The following TAS1R3 variants were observed in gnomAD, a reference collection of about 807,000 sequenced individuals.
TAS1R3 encodes the protein taste receptor type 1 member 3.
In TAS1R3, 58 loss-of-function variants were observed where a neutral mutation model predicts 46.1. The ratio of observed to expected loss-of-function variants is 1.26; its 90% CI spans 1.02 to 1.57. The LOEUF (loss-of-function observed/expected upper bound fraction) is 1.57, where lower values mean the gene tolerates loss of function less well. Among genes scored for constraint, TAS1R3 ranks in the 40% most tolerant of loss-of-function variants. The probability of loss-of-function intolerance (pLI) is 0.00; values close to 1 mark genes in which losing one functional copy is unlikely to be tolerated. For missense variants in TAS1R3, 1,422 were observed against 1,185.8 expected (o/e 1.20, Z -2.93); for synonymous variants, 724 against 544.7 (o/e 1.33, Z -4.58).
At chr1:1,331,962 AC>A in intron 2 of TAS1R3, 24 bp downstream of exon 2, 3 of 631,156 alleles carry the variant, frequency 4.8e-6, no homozygotes, top group Non-Finnish European at 7.7e-6. Flanking sequence ...ACCATCACCC[AC>A]CCCCACCCAG....
At position 1,331,785 on chromosome 1, in the gene TAS1R3, C is replaced by T. The variant is rs1373854253; in HGVS notation, c.339C>T (p.Ser113=). ...AGCCTGTGGTGGCCATGAAGCCCAG[C>T]CTCATGTTCCTGGCCAAGGCAGGCA... ...CSEPVVAMKP[S]LMFLAKAGSR... The change falls in exon 2 of 6, where the codon AGC becomes AGT. Residue 113 remains serine, a synonymous_variant. Coordinates refer to ENST00000339381, the MANE Select transcript of TAS1R3 (RefSeq NM_152228.3). 1 of 1,612,928 alleles carries T rather than the reference C, an allele frequency of 6.2e-7. No individual in the cohort carries two copies. The highest frequency in any genetic ancestry group is 8.5e-7 in the Non-Finnish European group (1 of 1,180,024).
intron 3 of TAS1R3, 41 bp from the exon 4 acceptor site, chr1:1,332,880 C>A (rs534003047): frequency 1.9e-6 from 3 of 1,589,110 alleles, no homozygotes. Context: ...CACGCCTGAG[C>A]TGGAGGTGGC....
chr1:1,331,459 G>T lies in TAS1R3; in HGVS notation c.114G>T (p.Gly38=), dbSNP rs758932897. 2.5e-6 allele frequency: 4 copies of T among 1,605,410 alleles called. No individual in the cohort carries two copies. Among genetic ancestry groups the T allele is most frequent in the Admixed American group, 1.7e-5 (1 of 57,636 alleles). ...QLRMKGDYVL[G]GLFPLGEAEE... ...GGATGAAGGGGGACTACGTGCTGGG[G>T]GGGCTGTTCCCCCTGGGCGAGGCCG... Residue 38 remains glycine, a synonymous_variant, in exon 1 of 6, where the codon GGG becomes GGT. Coordinates refer to ENST00000339381, the MANE Select transcript of TAS1R3 (RefSeq NM_152228.3).
rs761183119 is a variant in TAS1R3 at position 1,333,018 on chromosome 1, T to C, written c.1373T>C (p.Leu458Pro). The C allele has an allele frequency of 2.0e-5, 33 of 1,612,794 alleles. No homozygotes were observed. The South Asian group carries it at 2.4e-4, about 12-fold the overall frequency. ...GNVDMEYDLKLWVWQGSVPRL... is the reference protein window; with the variant it reads ...GNVDMEYDLKPWVWQGSVPRL... ...GTGGACATGGAGTACGACCTGAAGCTGTGGGTGTGGCAGGGCTCAGTGCCC... is the reference window on the plus strand; with the variant it reads ...GTGGACATGGAGTACGACCTGAAGCCGTGGGTGTGGCAGGGCTCAGTGCCC... The change falls in exon 4 of 6, where the codon CTG (leucine) becomes CCG (proline). Residue 458 changes from leucine (L) to proline (P), a missense_variant. Physicochemically the swap from Leu to Pro is moderately conservative, Grantham distance 98 (BLOSUM62 -3). Transcript: ENST00000339381.
In TAS1R3 at chr1:1,332,983, C is replaced by G. The variant is rs768059049; in HGVS notation, c.1338C>G (p.Ser446Arg). The G allele has an allele frequency of 1.2e-6, 2 of 1,612,442 alleles. No homozygotes were observed. Among genetic ancestry groups the G allele is most frequent in the East Asian group, 2.2e-5 (1 of 44,878 alleles). ...GCGGGCTGCCGCTGCGGTTCGACAG[C>G]AGCGGAAACGTGGACATGGAGTACG... The part of the protein sequence containing the change: ...HVGGLPLRFD[S>R]SGNVDMEYDL... The change falls in exon 4 of 6, where the codon AGC becomes AGG. Residue 446 changes from serine to arginine, a missense_variant. Ser to Arg is a moderately radical substitution (Grantham distance 110). Coordinates refer to ENST00000339381, the MANE Select transcript of TAS1R3 (RefSeq NM_152228.3).
chr1:1,333,375 C>G lies in TAS1R3; in HGVS notation c.1596C>G (p.Asn532Lys). Residue 532 changes from asparagine (N) to lysine (K), a missense_variant, in exon 5 of 6, where the codon AAC (asparagine) becomes AAG (lysine). Transcript: ENST00000339381. ...VDCEAGSYRQNPDDIACTFCG... is the reference protein window; with the variant it reads ...VDCEAGSYRQKPDDIACTFCG... ...GCGAGGCGGGCAGCTACCGGCAAAA[C>G]CCAGGTGAGCCGCCTTCCCGGCAGG... 6.2e-7 allele frequency: 1 copy of G among 1,611,732 alleles called. No homozygotes were observed. Among genetic ancestry groups the G allele is most frequent in the South Asian group, 1.1e-5 (1 of 90,932 alleles).
In TAS1R3 at chr1:1,334,408, G is replaced by A. The variant is rs765104153; in HGVS notation, c.2503G>A (p.Gly835Arg). ...CGAGTTCTTCCTGGGAGGGGGCCCT[G>A]GGGATGCCCAAGGCCAGAATGACGG... ...TPEFFLGGGPGDAQGQNDGNT... is the reference protein window; with the variant it reads ...TPEFFLGGGPRDAQGQNDGNT... Residue 835 changes from glycine (G) to arginine (R), a missense_variant, in exon 6 of 6, where the codon GGG (glycine) becomes AGG (arginine). Coordinates refer to ENST00000339381, the MANE Select transcript of TAS1R3 (RefSeq NM_152228.3). 5.0e-6 allele frequency: 8 copies of A among 1,605,324 alleles called. No homozygotes were observed. The East Asian group carries it at 1.6e-4, about 31-fold the overall frequency.
chr1:1,332,545 G>A lies in TAS1R3; in HGVS notation c.1014G>A (p.Val338=). Residue 338 remains valine (V), a synonymous_variant, in exon 3 of 6, where the codon GTG becomes GTA. Transcript: ENST00000339381. ...GAQLHEFPQY[V]KTHLALATDP... ...AGCTGCACGAGTTCCCCCAGTACGT[G>A]AAGACGCACCTGGCCCTGGCCACCG... 1.2e-6 allele frequency: 2 copies of A among 1,611,822 alleles called. No individual in the cohort carries two copies. Among genetic ancestry groups the A allele is most frequent in the Non-Finnish European group, 1.7e-6 (2 of 1,179,960 alleles).
rs375495921 is a variant in TAS1R3, at chr1:1,332,682, G to A, written c.1151G>A (p.Gly384Glu). 6 of 1,604,972 alleles carry A rather than the reference G, an allele frequency of 3.7e-6. No individual in the cohort carries two copies. Among genetic ancestry groups the A allele is most frequent in the Non-Finnish European group, 5.1e-6 (6 of 1,179,622 alleles). The change falls in exon 3 of 6, where the codon GGG becomes GAG. Residue 384 changes from glycine to glutamate, a missense_variant. Transcript: ENST00000339381. ...ATCACGCTGCAGAACGTGAGCGCAGGGCTAAATCACCACCAGACGTTCTCT... is the reference window on the plus strand; with the variant it reads ...ATCACGCTGCAGAACGTGAGCGCAGAGCTAAATCACCACCAGACGTTCTCT... Reference protein sequence around the residue: ...DCITLQNVSAGLNHHQTFSVY... With the variant: ...DCITLQNVSAELNHHQTFSVY...
Position 1,332,199 on chromosome 1 carries a change from T to C in TAS1R3, c.668T>C (p.Leu223Pro), listed in dbSNP as rs772761192. 1.9e-6 allele frequency: 3 copies of C among 1,594,848 alleles called. No individual in the cohort carries two copies. Among genetic ancestry groups the C allele is most frequent in the African/African-American group, 1.3e-5 (1 of 74,792 alleles). Residue 223 changes from leucine to proline, a missense_variant, in exon 3 of 6, where the codon CTG becomes CCG. By Grantham distance (98) the Leu-to-Pro change is moderately conservative. Coordinates refer to ENST00000339381, the MANE Select transcript of TAS1R3 (RefSeq NM_152228.3). ...GSDDEYGRQG[L>P]SIFSALAAAR... ...GACGACGAGTACGGCCGGCAGGGCC[T>C]GAGCATCTTCTCGGCCCTGGCCGCG...
At position 1,334,532 on chromosome 1, in the gene TAS1R3, C is replaced by A; in HGVS notation, c.*68C>A. On this transcript the variant is annotated 3_prime_UTR_variant, in exon 6 of 6. Transcript: ENST00000339381. ...GCGATCCCCCCCAAGCCAGCAATGA[C>A]CCGTGTCTCGCTACAGAGACCCTCC... 1 of 1,427,324 alleles carries A rather than the reference C, an allele frequency of 7.0e-7. No homozygotes were observed. The highest frequency in any genetic ancestry group is 9.2e-7 in the Non-Finnish European group (1 of 1,085,468). 88.4% of individuals were successfully genotyped at this position (1,427,324 alleles called of 1,614,324 possible).
At position 1,332,070 on chromosome 1, in the gene TAS1R3, T is replaced by C; in HGVS notation, c.539T>C (p.Phe180Ser). ...GAGCTGCTGAGCGCCCGGGAGACCTTCCCCTCCTTCTTCCGCACCGTGCCC... is the reference window on the plus strand; with the variant it reads ...GAGCTGCTGAGCGCCCGGGAGACCTCCCCCTCCTTCTTCCGCACCGTGCCC... ...SMELLSARET[F>S]PSFFRTVPSD... The change falls in exon 3 of 6, where the codon TTC becomes TCC. Residue 180 changes from phenylalanine to serine, a missense_variant. Physicochemically the swap from Phe to Ser is radical, Grantham distance 155. Transcript: ENST00000339381. 1 of 1,603,512 alleles carries C rather than the reference T, an allele frequency of 6.2e-7. No homozygotes were observed. Among genetic ancestry groups the C allele is most frequent in the Non-Finnish European group, 8.5e-7 (1 of 1,179,826 alleles).
Position 1,332,281 on chromosome 1 carries a change from C to T in TAS1R3, c.750C>T (p.Asp250=). 6.2e-7 allele frequency: 1 copy of T among 1,604,160 alleles called. No individual in the cohort carries two copies. The highest frequency in any genetic ancestry group is 2.2e-5 in the East Asian group (1 of 44,756). ...TGGTGCCGCTGCCCCGTGCCGATGACTCGCGGCTGGGGAAGGTGCAGGACG... is the reference window on the plus strand; with the variant it reads ...TGGTGCCGCTGCCCCGTGCCGATGATTCGCGGCTGGGGAAGGTGCAGGACG... ...EGLVPLPRAD[D]SRLGKVQDVL... The change falls in exon 3 of 6, where the codon GAC becomes GAT. Residue 250 remains aspartate (D), a synonymous_variant. Transcript: ENST00000339381.
chr1:1,333,857 T>A lies in TAS1R3; in HGVS notation c.1952T>A (p.Leu651His), dbSNP rs1643491682. 5.0e-6 allele frequency: 8 copies of A among 1,600,538 alleles called. No homozygotes were observed. The highest frequency in any genetic ancestry group is 5.9e-6 in the Non-Finnish European group (7 of 1,179,796). ...HLPLTGCLST[L>H]FLQAAEIFVE... The stretch of plus-strand genomic sequence containing the variant: ...CCGCTCACGGGCTGCCTGAGCACAC[T>A]CTTCCTGCAGGCGGCCGAGATCTTC... The change falls in exon 6 of 6, where the codon CTC becomes CAC. Residue 651 changes from leucine to histidine, a missense_variant. Leu to His is a moderately conservative substitution (Grantham distance 99). Coordinates refer to ENST00000339381, the MANE Select transcript of TAS1R3 (RefSeq NM_152228.3).
Position 1,333,442 on chromosome 1 carries a change from G to A in TAS1R3, c.1600+63G>A, listed in dbSNP as rs953241115. 6 of 1,606,440 alleles carry A rather than the reference G, an allele frequency of 3.7e-6. No individual in the cohort carries two copies. In the Admixed American group the frequency reaches 8.3e-5, roughly 22 times the overall value. On this transcript the variant is annotated intron_variant, in intron 5 of 5. Coordinates refer to ENST00000339381, the MANE Select transcript of TAS1R3 (RefSeq NM_152228.3). ...GCAGGGGAGGGTCCTGCCAAGTCCT[G>A]ACTCTGAGACCAGAGCCCACAGGGT... is the stretch of plus-strand genomic sequence containing the variant.
chr1:1,331,784 G>A lies in TAS1R3; in HGVS notation c.338G>A (p.Ser113Asn), dbSNP rs746196593. The change falls in exon 2 of 6, where the codon AGC becomes AAC. Residue 113 changes from serine (S) to asparagine (N), a missense_variant. Coordinates refer to ENST00000339381, the MANE Select transcript of TAS1R3 (RefSeq NM_152228.3). ...CSEPVVAMKP[S>N]LMFLAKAGSR... ...GAGCCTGTGGTGGCCATGAAGCCCAGCCTCATGTTCCTGGCCAAGGCAGGC... is the reference window on the plus strand; with the variant it reads ...GAGCCTGTGGTGGCCATGAAGCCCAACCTCATGTTCCTGGCCAAGGCAGGC... The A allele has an allele frequency of 6.2e-7, 1 of 1,612,916 alleles. No individual in the cohort carries two copies. The highest frequency in any genetic ancestry group is 1.1e-5 in the South Asian group (1 of 91,092).
In TAS1R3 at chr1:1,332,648, T is replaced by C. The variant is rs1336325500; in HGVS notation, c.1117T>C (p.Cys373Arg). The C allele has an allele frequency of 1.2e-6, 2 of 1,608,046 alleles. No homozygotes were observed. Among genetic ancestry groups the C allele is most frequent in the Middle Eastern group, 1.7e-4 (1 of 6,060 alleles). The change falls in exon 3 of 6, where the codon TGT becomes CGT. Residue 373 changes from cysteine (C) to arginine (R), a missense_variant. By Grantham distance (180) the Cys-to-Arg change is radical (BLOSUM62 -3). Coordinates refer to ENST00000339381, the MANE Select transcript of TAS1R3 (RefSeq NM_152228.3). ...CGTGGTGGGCCAGCGCTGCCCGCAG[T>C]GTGACTGCATCACGCTGCAGAACGT... The part of the protein sequence containing the change: ...EDVVGQRCPQ[C>R]DCITLQNVSA...
rs748135209 is a variant in TAS1R3 at position 1,332,037 on chromosome 1, C to T, written c.506C>T (p.Ala169Val). The stretch of plus-strand genomic sequence containing the variant: ...TGGCCCTTGCAGGTCAGCTACGGTG[C>T]TAGCATGGAGCTGCTGAGCGCCCGG... ...FFLMPQVSYG[A>V]SMELLSARET... Residue 169 changes from alanine (A) to valine (V), a missense_variant, in exon 3 of 6, where the codon GCT becomes GTT. Ala to Val is a moderately conservative substitution (Grantham distance 64). Coordinates refer to ENST00000339381, the MANE Select transcript of TAS1R3 (RefSeq NM_152228.3). 2 of 1,483,522 alleles carry T rather than the reference C, an allele frequency of 1.3e-6. No individual in the cohort carries two copies. The highest frequency in any genetic ancestry group is 3.6e-5 in the Admixed American group (2 of 55,784). The allele number at this position is 1,483,522 out of a possible 1,614,324, so 91.9% of individuals were successfully genotyped here.
In TAS1R3 at chr1:1,331,765, G is replaced by T. The variant is rs542570836; in HGVS notation, c.319G>T (p.Val107Leu). The change falls in exon 2 of 6, where the codon GTG becomes TTG. Residue 107 changes from valine to leucine, a missense_variant. Coordinates refer to ENST00000339381, the MANE Select transcript of TAS1R3 (RefSeq NM_152228.3). ...CCTCTTTGATACGTGCTCGGAGCCT[G>T]TGGTGGCCATGAAGCCCAGCCTCAT... ...YDLFDTCSEPVVAMKPSLMFL... is the reference protein window; with the variant it reads ...YDLFDTCSEPLVAMKPSLMFL... The T allele has an allele frequency of 6.2e-7, 1 of 1,612,780 alleles. No homozygotes were observed. Among genetic ancestry groups the T allele is most frequent in the East Asian group, 2.2e-5 (1 of 44,904 alleles).
Sources: gnomAD v4.1 joint callset for allele counts on GRCh38, gnomAD v4.1.1 for gene constraint, MANE v1.5 for transcripts, NCBI Gene and HGNC (gene_info 2026-07-23, HGNC 2026-07-21) for gene names.